RAP1GAP2: variants seen among roughly 807,000 people sequenced by gnomAD.
RAP1GAP2 encodes the protein RAP1 GTPase activating protein 2, also known as rap1 GTPase-activating protein 2.
In RAP1GAP2, 27 loss-of-function variants were observed where a neutral mutation model predicts 95.0. The ratio of observed to expected loss-of-function variants is 0.28; its 90% CI spans 0.21 to 0.39. The LOEUF is 0.39. Ranked by LOEUF, RAP1GAP2 falls within the 10% of genes least tolerant of loss-of-function variation. The pLI is 1.00. For synonymous variants in RAP1GAP2, 373 were observed against 380.9 expected, an observed-to-expected ratio of 0.98 and a Z score of 0.24; for missense variants, 771 against 970.0, an observed-to-expected ratio of 0.79 and a Z score of 2.72.
At chr17:2,830,534 T>C (rs1050359799) in intron 2 of RAP1GAP2, among the ~76,000 whole-genome samples, 4 of 151,904 alleles carry the variant, frequency 2.6e-5, no homozygotes, top group Non-Finnish European at 4.4e-5. Flanking sequence ...GCTAACATGG[T>C]GAAACCCCGT....
chr17:2,968,569 T>C (rs531755575), intron 8 of RAP1GAP2, among the ~76,000 whole-genome samples: 4 of 152,246 alleles, frequency 2.6e-5, no homozygotes, highest in Non-Finnish European at 4.4e-5. Context: ...TTCATAGATA[T>C]AAAGTTACTA....
At chr17:2,983,166 T>G (rs2045431882) in intron 10 of RAP1GAP2, among the ~76,000 whole-genome samples, 1 of 152,138 alleles carries the variant, frequency 6.6e-6, no homozygotes, top group Non-Finnish European at 1.5e-5. Context: ...TTCCGGCCAA[T>G]AAGTCGTTCC....
intron 3 of RAP1GAP2, among the ~76,000 whole-genome samples, chr17:2,948,891 G>A (rs117393143): frequency 0.012 from 1,853 of 152,288 alleles, 14 homozygotes; most frequent in Non-Finnish European, 0.02. Flanking sequence ...CTGCTTTGCC[G>A]CCTGGGCAGT....
At chr17:2,981,071 C>A in intron 9 of RAP1GAP2, 124 bp from the exon 10 acceptor site, 2 of 797,996 alleles carry the variant, frequency 2.5e-6, no homozygotes, top group Non-Finnish European at 4.0e-6. Flanking sequence ...CAGTCAGAAT[C>A]CCCGCCCAGG....
At chr17:2,896,024 G>A (rs1487013781) in intron 2 of RAP1GAP2, among the ~76,000 whole-genome samples, 1 of 152,042 alleles carries the variant, frequency 6.6e-6, no homozygotes, top group Non-Finnish European at 1.5e-5. Flanking sequence ...TCTCCCGTAG[G>A]TCACTGCTGG....
intron 8 of RAP1GAP2, among the ~76,000 whole-genome samples, chr17:2,979,006 TAAAA>T (rs71377563): frequency 8.7e-4 from 131 of 151,334 alleles, no homozygotes; most frequent in African/African-American, 3.0e-3. Context: ...ATAAAAAAAA[TAAAA>T]AAATTCAGGA....
chr17:2,905,054 TG>T (rs2042155295), intron 2 of RAP1GAP2, among the ~76,000 whole-genome samples: 1 of 152,158 alleles, frequency 6.6e-6, no homozygotes, highest in African/African-American at 2.4e-5. Context: ...GCTAATTTTT[TG>T]TATTTTTAGT....
Position 2,981,213 on chromosome 17 carries a change from G to C in RAP1GAP2, c.694G>C (p.Val232Leu). 6.2e-7 allele frequency: 1 copy of C among 1,612,694 alleles called. No individual in the cohort carries two copies. The highest frequency in any genetic ancestry group is 8.5e-7 in the Non-Finnish European group (1 of 1,179,314). The change falls in exon 10 of 25, where the codon GTG becomes CTG. Residue 232 changes from valine to leucine, a missense_variant. Physicochemically the swap from Val to Leu is conservative, Grantham distance 32. Transcript: ENST00000254695. ...TTCTCAGGCTTTCTGTGATGATGCA[G>C]TGGGACTGAGATTCAATCCTGTCCT... ...QIAKAFCDDA[V>L]GLRFNPVLYP...
At chr17:2,801,398 C>G (rs570553356) in intron 2 of RAP1GAP2, among the ~76,000 whole-genome samples, 1 of 151,164 alleles carries the variant, frequency 6.6e-6, no homozygotes, top group South Asian at 2.1e-4. Flanking sequence ...TCACTTGAAC[C>G]CAGGAGGTGG....
intron 3 of RAP1GAP2, among the ~76,000 whole-genome samples, chr17:2,916,641 C>T (rs549661428): frequency 2.6e-5 from 4 of 152,274 alleles, no homozygotes; most frequent in East Asian, 1.9e-4. Flanking sequence ...ATAATAGGGA[C>T]GGTGGCCACC....
chr17:2,993,818 T>C (rs992854403), intron 12 of RAP1GAP2, among the ~76,000 whole-genome samples: 1 of 152,136 alleles, frequency 6.6e-6, no homozygotes, highest in Non-Finnish European at 1.5e-5. Flanking sequence ...GTGGATCGCT[T>C]GAGCCCAGGA....
At chr17:2,995,827 G>T (rs1567871625) in intron 13 of RAP1GAP2, among the ~76,000 whole-genome samples, 1 of 152,168 alleles carries the variant, frequency 6.6e-6, no homozygotes, top group Non-Finnish European at 1.5e-5. Flanking sequence ...GAGCCTGGGG[G>T]CCCTGGTCAT....
intron 2 of RAP1GAP2, among the ~76,000 whole-genome samples, chr17:2,815,792 T>C (rs963849085): frequency 6.6e-6 from 1 of 152,154 alleles, no homozygotes; most frequent in African/African-American, 2.4e-5. Context: ...CCATTTCCGA[T>C]ATTAACAACA....
intron 2 of RAP1GAP2, among the ~76,000 whole-genome samples, chr17:2,873,438 G>GCA (rs2072935537): frequency 8.7e-6 from 1 of 115,090 alleles, no homozygotes; most frequent in Admixed American, 1.3e-4. Flanking sequence ...TTTTGCCACT[G>GCA]CACTCCAGCC....
At chr17:2,806,597 G>C (rs887625978) in intron 2 of RAP1GAP2, among the ~76,000 whole-genome samples, 2 of 151,186 alleles carry the variant, frequency 1.3e-5, no homozygotes, top group Non-Finnish European at 3.0e-5. Context: ...GGGTTTCGCT[G>C]TGTTGGCCAG....
At chr17:2,808,340 T>C (rs2151492704) in intron 2 of RAP1GAP2, among the ~76,000 whole-genome samples, 1 of 152,286 alleles carries the variant, frequency 6.6e-6, no homozygotes, top group South Asian at 2.1e-4. Context: ...GGGTGGATGC[T>C]GGTCCCATTC....
At chr17:2,979,322 A>G (rs571254818) in intron 8 of RAP1GAP2, among the ~76,000 whole-genome samples, 25 of 152,312 alleles carry the variant, frequency 1.6e-4, no homozygotes, top group African/African-American at 5.8e-4. Context: ...TAATTTCATG[A>G]CGAAACCCAA....
At chr17:2,770,652 C>A (rs1250903369) in intron 2 of RAP1GAP2, among the ~76,000 whole-genome samples, 1 of 152,260 alleles carries the variant, frequency 6.6e-6, no homozygotes, top group Non-Finnish European at 1.5e-5. Context: ...ACTGCCTCTG[C>A]TTTCTCCTCT....
intron 1 of RAP1GAP2, among the ~76,000 whole-genome samples, chr17:2,760,350 C>T (rs116397597): frequency 0.019 from 2,799 of 147,358 alleles, 95 homozygotes; most frequent in African/African-American, 0.065. Context: ...TTAACTTTCA[C>T]TTTTTTTTGA....
Sources: gnomAD v4.1 joint callset for allele counts (sites outside exome capture counted in the v4.1 genomes callset) on GRCh38, gnomAD v4.1.1 for gene constraint, MANE v1.5 for transcripts, NCBI Gene and HGNC (gene_info 2026-07-23, HGNC 2026-07-21) for gene names.